ERBB4: variants seen among roughly 807,000 people sequenced by gnomAD.
The protein encoded by ERBB4 is erb-b2 receptor tyrosine kinase 4, also known as receptor tyrosine-protein kinase erbB-4.
In ERBB4, 42 loss-of-function variants were observed where a neutral mutation model predicts 158.0. The ratio of observed to expected loss-of-function variants is 0.27; its 90% CI spans 0.21 to 0.34. The LOEUF (loss-of-function observed/expected upper bound fraction) is 0.34, where lower values mean the gene tolerates loss of function less well. ERBB4 is among the 10% of genes least tolerant of loss of function. ERBB4 has a pLI of 1.00. For missense variants in ERBB4, 1,333 were observed against 1,624.1 expected (o/e 0.82, Z 3.08); for synonymous variants, 583 against 558.7 (o/e 1.04, Z -0.61).
At chr2:212,278,132 T>C (rs2085615704) in intron 1 of ERBB4, among the ~76,000 whole-genome samples, 1 of 151,826 alleles carries the variant, frequency 6.6e-6, no homozygotes, top group African/African-American at 2.4e-5. Flanking sequence ...TTGAAATGTT[T>C]CAATAAGAAA....
chr2:211,932,305 G>A (rs1168811521), intron 3 of ERBB4, among the ~76,000 whole-genome samples: 1 of 151,922 alleles, frequency 6.6e-6, no homozygotes, highest in Non-Finnish European at 1.5e-5. Flanking sequence ...TTATGCGTAA[G>A]TCTTAGAGTG....
intron 2 of ERBB4, among the ~76,000 whole-genome samples, chr2:212,031,520 C>A (rs1489781709): frequency 6.6e-6 from 1 of 152,106 alleles, no homozygotes; most frequent in East Asian, 1.9e-4. Flanking sequence ...GCCAGAGATT[C>A]TGGTTTAGCA....
rs770903741 is a variant in ERBB4 at position 212,526,878 on chromosome 2, C to T, written c.82+11571G>A. 8.6e-5 allele frequency among the ~76,000 whole-genome samples: 13 copies of T among 152,040 alleles called. 1 individual carries two copies. The highest frequency in any genetic ancestry group is 1.6e-4 in the Non-Finnish European group (11 of 67,962). ...TTTGCTAGTTGCACAGCTGTATTAT[C>T]AGAGTAAACGTGTATTTGTAAACTG... On this transcript the variant is annotated intron_variant, in intron 1 of 27. Transcript: ENST00000342788.
At chr2:211,993,850 T>G (rs760942647) in intron 2 of ERBB4, among the ~76,000 whole-genome samples, 10 of 151,560 alleles carry the variant, frequency 6.6e-5, no homozygotes, top group Non-Finnish European at 1.5e-4. Context: ...ATATCAGTGT[T>G]TCTTAGAAAA....
chr2:212,505,568 C>T (rs1028317772), intron 1 of ERBB4, among the ~76,000 whole-genome samples: 7 of 149,062 alleles, frequency 4.7e-5, no homozygotes, highest in African/African-American at 1.7e-4. Context: ...GCTGGCTATG[C>T]CAAAAAGGCG....
At chr2:211,950,898 T>G (rs745705092) in intron 2 of ERBB4, among the ~76,000 whole-genome samples, 3 of 152,182 alleles carry the variant, frequency 2.0e-5, no homozygotes, top group Admixed American at 6.6e-5. Flanking sequence ...ACTGTTCTAA[T>G]GGTTGAGCTG....
intron 19 of ERBB4, among the ~76,000 whole-genome samples, chr2:211,586,911 A>T (rs1202545955): frequency 6.6e-6 from 1 of 152,178 alleles, no homozygotes; most frequent in Non-Finnish European, 1.5e-5. Flanking sequence ...ATGTCTCCCA[A>T]GAAAAATATA....
At chr2:212,151,064 T>G (rs766345524) in intron 1 of ERBB4, among the ~76,000 whole-genome samples, 2 of 152,092 alleles carry the variant, frequency 1.3e-5, no homozygotes, top group Non-Finnish European at 2.9e-5. Context: ...ATTTCATATA[T>G]TAAATATGAA....
At chr2:211,626,153 A>T (rs2069833550) in intron 17 of ERBB4, among the ~76,000 whole-genome samples, 1 of 152,154 alleles carries the variant, frequency 6.6e-6, no homozygotes, top group African/African-American at 2.4e-5. Flanking sequence ...GAGATAACAT[A>T]TGTGGAAAAT....
At chr2:212,126,447 T>C (rs769407510) in intron 1 of ERBB4, among the ~76,000 whole-genome samples, 1 of 108,134 alleles carries the variant, frequency 9.2e-6, no homozygotes, top group Non-Finnish European at 1.7e-5. Flanking sequence ...AGCAACAGAG[T>C]GAGACTCTGT....
intron 1 of ERBB4, among the ~76,000 whole-genome samples, chr2:212,457,812 C>G (rs1688375156): frequency 6.6e-6 from 1 of 151,942 alleles, no homozygotes; most frequent in South Asian, 2.1e-4. Context: ...TTAATTTGCA[C>G]TAACATCCTG....
At chr2:211,520,404 T>C (rs933070297) in intron 20 of ERBB4, among the ~76,000 whole-genome samples, 3 of 152,064 alleles carry the variant, frequency 2.0e-5, no homozygotes, top group African/African-American at 7.2e-5. Context: ...ATGTAAAACA[T>C]GGGTTGGCAA....
chr2:212,273,056 A>G (rs1015508754), intron 1 of ERBB4, among the ~76,000 whole-genome samples: 2 of 151,712 alleles, frequency 1.3e-5, no homozygotes, highest in African/African-American at 4.8e-5. Flanking sequence ...CTGACTAGGG[A>G]GGGCCACTAT....
At chr2:212,464,134 T>A (rs540919400) in intron 1 of ERBB4, among the ~76,000 whole-genome samples, 49 of 152,264 alleles carry the variant, frequency 3.2e-4, no homozygotes, top group African/African-American at 1.1e-3. Flanking sequence ...CTTTCCTTCT[T>A]ACCCTGAAAT....
intron 20 of ERBB4, among the ~76,000 whole-genome samples, chr2:211,510,384 G>A (rs1177725055): frequency 6.6e-6 from 1 of 152,006 alleles, no homozygotes; most frequent in African/African-American, 2.4e-5. Context: ...TATTTAGTGC[G>A]ATGGTTAAAC....
rs1159808222 is a variant in ERBB4, at chr2:211,622,981, AAAAAAAAAAATATATATATATATATATAT to A, written c.2202+912_2202+940del. On this transcript the variant is annotated intron_variant, in intron 18 of 27. Transcript: ENST00000342788. Reference sequence around the variant, plus strand: ...CCATCTCAAAAAAAAAAAAAAAAAAAAAAAAAAAAATATATATATATATATATATATATATATATATATATATATATATA... The same window carrying A: ...CCATCTCAAAAAAAAAAAAAAAAAAAATATATATATATATATATATATATA... 2.5e-3 allele frequency among the ~76,000 whole-genome samples: 139 copies of A among 55,106 alleles called. 1 individual carries two copies. Among genetic ancestry groups the A allele is most frequent in the Non-Finnish European group, 4.1e-3 (130 of 31,994 alleles). The allele number at this position is 55,106 out of a possible 152,430, so 36.2% of individuals were successfully genotyped here. A position where few individuals can be genotyped will look rare whatever the true frequency, so the allele number is the denominator to read the frequency against.
chr2:211,529,007 A>G (rs1248195842), intron 20 of ERBB4, among the ~76,000 whole-genome samples: 13 of 151,976 alleles, frequency 8.6e-5, no homozygotes, highest in Admixed American at 7.9e-4. Flanking sequence ...AAAAAATCTG[A>G]GTAGAGATAA....
intron 13 of ERBB4, among the ~76,000 whole-genome samples, chr2:211,673,525 A>AC (rs1479339099): frequency 6.7e-6 from 1 of 149,318 alleles, no homozygotes; most frequent in African/African-American, 2.4e-5. Flanking sequence ...CTCAAAAAAA[A>AC]AAAAAGCTAC....
intron 1 of ERBB4, among the ~76,000 whole-genome samples, chr2:212,218,309 C>T (rs1246880012): frequency 6.6e-6 from 1 of 151,214 alleles, no homozygotes; most frequent in East Asian, 1.9e-4. Context: ...AATTATAGGC[C>T]ATTTATTCCT....
Sources: allele counts gnomAD v4.1 joint callset (sites outside exome capture counted in the v4.1 genomes callset), GRCh38; gene constraint gnomAD v4.1.1; transcripts MANE v1.5; gene names NCBI Gene and HGNC (gene_info 2026-07-23, HGNC 2026-07-21).